Variants in ALG14 observed in about 807,000 individuals in gnomAD.
The protein encoded by ALG14 is ALG14 UDP-N-acetylglucosaminyltransferase subunit.
ALG14 carries 17 observed loss-of-function variants against 22.8 expected under a neutral mutation model. The ratio of observed to expected loss-of-function variants is 0.75; its 90% CI spans 0.51 to 1.12. The LOEUF is 1.12. ALG14 is among the 50% of genes most tolerant of loss of function. The probability of loss-of-function intolerance (pLI) is 0.00; values close to 1 mark genes in which losing one functional copy is unlikely to be tolerated. For synonymous variants in ALG14, 89 were observed against 103.7 expected (o/e 0.86, Z 0.86); for missense variants, 288 against 271.8 (o/e 1.06, Z -0.42).
chr1:95,047,012 A>G (rs923660083), intron 2 of ALG14, among the ~76,000 whole-genome samples: 1 of 144,986 alleles, frequency 6.9e-6, no homozygotes, highest in Non-Finnish European at 1.6e-5. Context: ...ATAACATAAC[A>G]TAACATAACA....
At chr1:95,051,225 T>C (rs1449256386) in intron 2 of ALG14, among the ~76,000 whole-genome samples, 2 of 4,548 alleles carry the variant, frequency 4.4e-4, no homozygotes, top group Non-Finnish European at 6.2e-3. Flanking sequence ...CCTCTAACCT[T>C]CTCTGTGTTA....
chr1:95,005,163 T>G (rs1673181881), intron 3 of ALG14, among the ~76,000 whole-genome samples: 1 of 152,200 alleles, frequency 6.6e-6, no homozygotes, highest in Non-Finnish European at 1.5e-5. Context: ...AAGCCAGGTC[T>G]TGATGCATGA....
chr1:95,010,226 T>C (rs892255701), intron 3 of ALG14, among the ~76,000 whole-genome samples: 5 of 152,232 alleles, frequency 3.3e-5, no homozygotes, highest in Admixed American at 6.5e-5. Context: ...GAACAAACTT[T>C]ACATAAGAAA....
intron 3 of ALG14, among the ~76,000 whole-genome samples, chr1:95,008,909 G>A (rs1483340209): frequency 6.6e-6 from 1 of 152,046 alleles, no homozygotes; most frequent in Non-Finnish European, 1.5e-5. Flanking sequence ...CAAAGAAGTG[G>A]ACTCAGACAG....
At chr1:94,991,096 A>G (rs1023980980) in intron 3 of ALG14, among the ~76,000 whole-genome samples, 8 of 152,248 alleles carry the variant, frequency 5.3e-5, no homozygotes, top group African/African-American at 1.9e-4. Context: ...GCTATGTCTC[A>G]GTTTCCCCTG....
At chr1:95,019,676 A>G (rs918232620) in intron 3 of ALG14, among the ~76,000 whole-genome samples, 4 of 152,170 alleles carry the variant, frequency 2.6e-5, no homozygotes, top group Admixed American at 2.6e-4. Flanking sequence ...ATTGCATGCT[A>G]ACAGGTAAAG....
chr1:94,988,236 GAA>G (rs1226795733), intron 3 of ALG14, among the ~76,000 whole-genome samples: 2 of 152,234 alleles, frequency 1.3e-5, no homozygotes, highest in East Asian at 3.9e-4. Flanking sequence ...TGTCAATAAA[GAA>G]AGAAAGAGAA....
chr1:95,067,062 T>C (rs1367095327), intron 1 of ALG14: 4 of 152,344 alleles, frequency 2.6e-5, no homozygotes, highest in East Asian at 3.9e-4. Flanking sequence ...CATTGAATAC[T>C]GTGAAAGTTG....
chr1:95,065,502 A>G (rs759884455), intron 1 of ALG14, among the ~76,000 whole-genome samples: 21 of 152,194 alleles, frequency 1.4e-4, no homozygotes, highest in Admixed American at 2.6e-4. Context: ...CACTGGGTGG[A>G]GATGGGGATT....
At chr1:95,050,484 A>G (rs1674710655) in intron 2 of ALG14, among the ~76,000 whole-genome samples, 1 of 152,380 alleles carries the variant, frequency 6.6e-6, no homozygotes, top group South Asian at 2.1e-4. Context: ...ATAGAATAGC[A>G]ATATAAACTA....
At chr1:95,065,851 G>T (rs1675342154) in intron 1 of ALG14, among the ~76,000 whole-genome samples, 1 of 152,116 alleles carries the variant, frequency 6.6e-6, no homozygotes, top group Non-Finnish European at 1.5e-5. Context: ...CATTAATTTT[G>T]AAAGCATAAA....
chr1:94,986,639 A>AT (rs1672651546), intron 3 of ALG14, among the ~76,000 whole-genome samples: 1 of 151,574 alleles, frequency 6.6e-6, no homozygotes, highest in African/African-American at 2.4e-5. Context: ...CACCCAGCTA[A>AT]TTTTTGTATT....
intron 2 of ALG14, among the ~76,000 whole-genome samples, chr1:95,059,397 C>CAAA (rs67569341): frequency 6.7e-4 from 53 of 78,526 alleles, no homozygotes; most frequent in African/African-American, 1.0e-3. Flanking sequence ...GACTCTGTCT[C>CAAA]AAAAAAAAAA....
chr1:95,066,416 G>A (rs1461859881), intron 1 of ALG14, among the ~76,000 whole-genome samples: 1 of 152,124 alleles, frequency 6.6e-6, no homozygotes, highest in Admixed American at 6.5e-5. Context: ...TAGAGACAGA[G>A]TTTCACCACA....
chr1:95,033,345 A>AG (rs1269433008), intron 2 of ALG14, among the ~76,000 whole-genome samples: 1 of 151,480 alleles, frequency 6.6e-6, no homozygotes, highest in East Asian at 1.9e-4. Context: ...AGGCTGCTAA[A>AG]CTGGATCTCA....
chr1:95,004,941 G>A (rs1384904895), intron 3 of ALG14, among the ~76,000 whole-genome samples: 1 of 152,094 alleles, frequency 6.6e-6, no homozygotes, highest in African/African-American at 2.4e-5. Flanking sequence ...GAGTAGCTGG[G>A]ATTACAGGTG....
chr1:95,005,777 T>C (rs766050694), intron 3 of ALG14, among the ~76,000 whole-genome samples: 1 of 152,134 alleles, frequency 6.6e-6, no homozygotes, highest in East Asian at 1.9e-4. Context: ...GATTTGTGTT[T>C]GTTATGGTGA....
intron 2 of ALG14, among the ~76,000 whole-genome samples, chr1:95,055,194 T>C (rs1028402390): frequency 1.3e-5 from 2 of 152,186 alleles, no homozygotes; most frequent in African/African-American, 2.4e-5. Context: ...CTGGAAGTTC[T>C]GACAAAATAA....
At chr1:95,043,728 AG>A in intron 2 of ALG14, among the ~76,000 whole-genome samples, 1 of 151,946 alleles carries the variant, frequency 6.6e-6, no homozygotes, top group South Asian at 2.1e-4. Context: ...GGAAAGAGGA[AG>A]GTAGAGAGGA....
Sources: allele counts gnomAD v4.1 joint callset (sites outside exome capture counted in the v4.1 genomes callset), GRCh38; gene constraint gnomAD v4.1.1; transcripts MANE v1.5; gene names NCBI Gene and HGNC (gene_info 2026-07-23, HGNC 2026-07-21).